Variants in LRMDA observed in about 807,000 individuals in gnomAD.
LRMDA encodes leucine rich melanocyte differentiation associated, also known as leucine-rich melanocyte differentiation-associated protein.
LRMDA carries 18 observed loss-of-function variants against 29.8 expected under a neutral mutation model. That is an observed-to-expected ratio of 0.60 (90% CI 0.42 to 0.90). The LOEUF (loss-of-function observed/expected upper bound fraction) is 0.90, where lower values mean the gene tolerates loss of function less well. LRMDA is among the 40% of genes least tolerant of loss of function. LRMDA has a pLI of 0.00. For missense variants in LRMDA, 273 were observed against 273.9 expected (o/e 1.00, Z 0.02); for synonymous variants, 125 against 109.4 (o/e 1.14, Z -0.89).
At chr10:75,594,806 A>G (rs965010626) in intron 2 of LRMDA, among the ~76,000 whole-genome samples, 1 of 152,232 alleles carries the variant, frequency 6.6e-6, no homozygotes, top group African/African-American at 2.4e-5. Flanking sequence ...ATGCTGTTGA[A>G]TAGAGAAGGG....
intron 2 of LRMDA, among the ~76,000 whole-genome samples, chr10:75,444,482 G>A (rs1312680662): frequency 6.6e-6 from 1 of 152,172 alleles, no homozygotes. Context: ...AACCAAGTCA[G>A]CCATAGTGAC....
rs71477026 is a variant in LRMDA, at chr10:75,618,382, CTATATATATA to C, written c.131+179904_131+179913del. On this transcript the variant is annotated intron_variant, in intron 2 of 6. Coordinates refer to ENST00000611255, the MANE Select transcript of LRMDA (RefSeq NM_001305581.2). ...TCTCTCTCTCTCTCTCTCTCTCTCTCTATATATATATATATATATATATATCAGACTATAT... is the reference window on the plus strand; with the variant it reads ...TCTCTCTCTCTCTCTCTCTCTCTCTCTATATATATATATATCAGACTATAT... 3.4e-3 allele frequency among the ~76,000 whole-genome samples: 260 copies of C among 77,032 alleles called. 1 individual carries two copies. The highest frequency in any genetic ancestry group is 0.01 in the African/African-American group (250 of 24,064). 50.5% of individuals were successfully genotyped at this position (77,032 alleles called of 152,430 possible).
At chr10:76,385,050 T>G (rs751666114) in intron 6 of LRMDA, among the ~76,000 whole-genome samples, 3 of 152,160 alleles carry the variant, frequency 2.0e-5, no homozygotes, top group African/African-American at 7.2e-5. Flanking sequence ...AAGGCAAAAT[T>G]CCAATAGCAA....
chr10:76,286,557 T>C (rs1230130777), intron 5 of LRMDA, among the ~76,000 whole-genome samples: 1 of 152,188 alleles, frequency 6.6e-6, no homozygotes, highest in Non-Finnish European at 1.5e-5. Flanking sequence ...TGAGACCAGC[T>C]GATGGGCTTC....
intron 6 of LRMDA, among the ~76,000 whole-genome samples, chr10:76,328,394 C>A (rs960981077): frequency 6.6e-6 from 1 of 152,158 alleles, no homozygotes; most frequent in Admixed American, 6.5e-5. Flanking sequence ...ATATCATCCT[C>A]AGGGTAACCC....
At chr10:76,472,747 G>C (rs1024287487) in intron 6 of LRMDA, among the ~76,000 whole-genome samples, 1 of 151,510 alleles carries the variant, frequency 6.6e-6, no homozygotes, top group African/African-American at 2.4e-5. Flanking sequence ...GCAGTACTAT[G>C]ATCAATTAAA....
intron 2 of LRMDA, among the ~76,000 whole-genome samples, chr10:75,782,584 G>A (rs1843402360): frequency 6.6e-6 from 1 of 152,174 alleles, no homozygotes; most frequent in Non-Finnish European, 1.5e-5. Context: ...GTCGGCCAGG[G>A]TGCTGCAATT....
intron 2 of LRMDA, among the ~76,000 whole-genome samples, chr10:75,501,240 T>C (rs544428458): frequency 7.9e-5 from 12 of 152,292 alleles, no homozygotes; most frequent in Admixed American, 5.9e-4. Flanking sequence ...GTCCTGAATA[T>C]GTACAATTCT....
chr10:76,460,389 A>G (rs1042922676), intron 6 of LRMDA, among the ~76,000 whole-genome samples: 2 of 152,244 alleles, frequency 1.3e-5, no homozygotes, highest in Admixed American at 1.3e-4. Flanking sequence ...TGCTAGTCCA[A>G]AATCACACTT....
At chr10:76,542,357 A>G (rs1390542914) in intron 6 of LRMDA, among the ~76,000 whole-genome samples, 1 of 152,212 alleles carries the variant, frequency 6.6e-6, no homozygotes, top group Non-Finnish European at 1.5e-5. Flanking sequence ...GTTATCTTTA[A>G]AAGAGAATAT....
intron 2 of LRMDA, among the ~76,000 whole-genome samples, chr10:75,866,065 G>A (rs1025628548): frequency 1.3e-5 from 2 of 152,182 alleles, no homozygotes; most frequent in African/African-American, 4.8e-5. Flanking sequence ...GATTGACAGA[G>A]ATTTTATTTC....
chr10:76,418,512 A>G (rs940756634), intron 6 of LRMDA, among the ~76,000 whole-genome samples: 2 of 152,036 alleles, frequency 1.3e-5, no homozygotes, highest in African/African-American at 2.4e-5. Flanking sequence ...AAACCTTGCT[A>G]AATTCACTTA....
rs182647228 is a variant in LRMDA at position 75,682,476 on chromosome 10, C to T, written c.131+243982C>T. On this transcript the variant is annotated intron_variant, in intron 2 of 6. Coordinates refer to ENST00000611255, the MANE Select transcript of LRMDA (RefSeq NM_001305581.2). ...GACAGACACACACACACACTCAATA[C>T]CAATATATACACATATCTGTGTGTG... 2.0e-5 allele frequency among the ~76,000 whole-genome samples: 3 copies of T among 151,670 alleles called. No individual in the cohort carries two copies. In the East Asian group the frequency reaches 5.8e-4, roughly 30 times the overall value.
chr10:76,172,120 AACTC>A (rs201215288), intron 5 of LRMDA, among the ~76,000 whole-genome samples: 2 of 152,224 alleles, frequency 1.3e-5, no homozygotes, highest in East Asian at 3.9e-4. Context: ...CCAGAGTGAG[AACTC>A]ACTCACCACT....
chr10:75,645,131 C>T (rs192605875), intron 2 of LRMDA, among the ~76,000 whole-genome samples: 2 of 152,078 alleles, frequency 1.3e-5, no homozygotes, highest in East Asian at 1.9e-4. Flanking sequence ...TACAGATGTG[C>T]ACCACCACAC....
intron 2 of LRMDA, among the ~76,000 whole-genome samples, chr10:75,552,259 T>C (rs1320510984): frequency 6.6e-6 from 1 of 152,182 alleles, no homozygotes; most frequent in Non-Finnish European, 1.5e-5. Context: ...AAAAATTCTT[T>C]ATCTTACCTT....
At chr10:76,472,198 A>G (rs1469287203) in intron 6 of LRMDA, among the ~76,000 whole-genome samples, 1 of 151,854 alleles carries the variant, frequency 6.6e-6, no homozygotes, top group Non-Finnish European at 1.5e-5. Context: ...AATAAATTTA[A>G]CTGGGTAAAT....
intron 2 of LRMDA, among the ~76,000 whole-genome samples, chr10:75,617,855 GT>G (rs1841124407): frequency 6.6e-6 from 1 of 152,228 alleles, no homozygotes; most frequent in Non-Finnish European, 1.5e-5. Flanking sequence ...TGGAAGAGAA[GT>G]CACTAGGGTG....
chr10:75,722,083 C>G (rs912181843), intron 2 of LRMDA, among the ~76,000 whole-genome samples: 1 of 152,092 alleles, frequency 6.6e-6, no homozygotes, highest in Non-Finnish European at 1.5e-5. Flanking sequence ...ATGCTGTCTG[C>G]TCATAAAAAG....
Sources: allele counts gnomAD v4.1 joint callset (sites outside exome capture counted in the v4.1 genomes callset), GRCh38; gene constraint gnomAD v4.1.1; transcripts MANE v1.5; gene names NCBI Gene and HGNC (gene_info 2026-07-23, HGNC 2026-07-21).